The following OCA2 variants were observed in gnomAD, a reference collection of about 807,000 sequenced individuals.
The protein encoded by OCA2 is OCA2 melanosomal transmembrane protein, also known as P protein.
In OCA2, 77 loss-of-function variants were observed where a neutral mutation model predicts 100.2. The observed-to-expected ratio is 0.77, with a 90% confidence interval of 0.64 to 0.93. OCA2 has a LOEUF of 0.93. Ranked by LOEUF, OCA2 falls within the 40% of genes least tolerant of loss-of-function variation. The pLI, the probability that OCA2 is intolerant of heterozygous loss-of-function variation, is 0.00. For synonymous variants in OCA2, 432 were observed against 439.2 expected (o/e 0.98, Z 0.21); for missense variants, 1,062 against 1,089.1 (o/e 0.98, Z 0.35).
chr15:27,955,313 T>A lies in OCA2; in HGVS notation c.1785-98A>T. The A allele has an allele frequency of 3.4e-6, 3 of 895,392 alleles. No individual in the cohort carries two copies. The South Asian group carries it at 4.0e-5, about 12-fold the overall frequency. 55.5% of individuals were successfully genotyped at this position (895,392 alleles called of 1,614,324 possible). On this transcript the variant is annotated intron_variant, in intron 16 of 23. Transcript: ENST00000354638. ...CAGCGCTTCGTGCCTGGACGCGGTC[T>A]GTGACTTGGAGCCTGGCTGGCAGGA... is the stretch of plus-strand genomic sequence containing the variant.
chr15:27,859,160 G>A (rs1412396986), intron 21 of OCA2, among the ~76,000 whole-genome samples: 4 of 151,748 alleles, frequency 2.6e-5, no homozygotes, highest in African/African-American at 9.7e-5. Flanking sequence ...GTAGAATGAG[G>A]GAAATAAGAT....
chr15:28,009,087 G>A (rs1394111425), intron 9 of OCA2, among the ~76,000 whole-genome samples: 5 of 152,202 alleles, frequency 3.3e-5, no homozygotes, highest in African/African-American at 1.2e-4. Flanking sequence ...TAGGGCTGGC[G>A]ATTGCATCCA....
At chr15:27,975,453 A>G (rs935646678) in intron 14 of OCA2, among the ~76,000 whole-genome samples, 3 of 152,180 alleles carry the variant, frequency 2.0e-5, no homozygotes, top group African/African-American at 7.2e-5. Context: ...GTTTGAGTTA[A>G]TTTGTGGATA....
intron 23 of OCA2, among the ~76,000 whole-genome samples, chr15:27,827,949 A>G (rs547751673): frequency 6.6e-6 from 1 of 152,352 alleles, no homozygotes; most frequent in Non-Finnish European, 1.5e-5. Context: ...GACGATCTAT[A>G]GCACAAGGCA....
intron 17 of OCA2, 129 bp from the exon 18 acceptor site, chr15:27,952,021 A>G: frequency 1.4e-6 from 1 of 736,870 alleles, no homozygotes; most frequent in South Asian, 1.5e-5. Context: ...CGAACTTGAA[A>G]GAAAATGGCA....
At chr15:27,874,138 C>T (rs544673232) in intron 19 of OCA2, among the ~76,000 whole-genome samples, 40 of 152,348 alleles carry the variant, frequency 2.6e-4, no homozygotes, top group African/African-American at 9.1e-4. Flanking sequence ...GTCCCTTCTT[C>T]AGCCAAACAA....
chr15:27,788,827 C>CA (rs780583249), intron 23 of OCA2, among the ~76,000 whole-genome samples: 2 of 151,682 alleles, frequency 1.3e-5, no homozygotes, highest in Non-Finnish European at 1.5e-5. Flanking sequence ...TAGATGTTTT[C>CA]TGACCTACTA....
intron 1 of OCA2, among the ~76,000 whole-genome samples, chr15:28,084,729 C>T (rs2044746014): frequency 2.6e-5 from 4 of 152,146 alleles, no homozygotes; most frequent in African/African-American, 9.7e-5. Flanking sequence ...AGGGCTGCAG[C>T]TTCTTGCTGG....
intron 23 of OCA2, among the ~76,000 whole-genome samples, chr15:27,823,769 T>C (rs1229870452): frequency 6.6e-6 from 1 of 152,192 alleles, no homozygotes; most frequent in Non-Finnish European, 1.5e-5. Context: ...TTTGAAACTT[T>C]CAATAAATTA....
At chr15:27,798,930 G>A (rs976868313) in intron 23 of OCA2, among the ~76,000 whole-genome samples, 13 of 152,196 alleles carry the variant, frequency 8.5e-5, no homozygotes, top group Admixed American at 8.5e-4. Flanking sequence ...TTTAGAATAT[G>A]GTTTCCTTGA....
chr15:28,082,005 A>T (rs887827730), intron 1 of OCA2, 110 bp from the exon 2 acceptor site: 2 of 885,368 alleles, frequency 2.3e-6, no homozygotes, highest in Non-Finnish European at 3.6e-6. Flanking sequence ...GCGGTCCCAG[A>T]GTTCCAGCAT....
chr15:27,941,243 G>A (rs941976699), intron 18 of OCA2, among the ~76,000 whole-genome samples: 2 of 152,202 alleles, frequency 1.3e-5, no homozygotes, highest in African/African-American at 4.8e-5. Flanking sequence ...ATCATTCGAT[G>A]TGAGAATGTT....
In OCA2 at chr15:27,918,538, G is replaced by A. The variant is rs1488149973; in HGVS notation, c.2079+7589C>T. Among the ~76,000 whole-genome samples the A allele has an allele frequency of 4.6e-5, 7 of 152,218 alleles. No homozygotes were observed. In the South Asian group the frequency reaches 1.2e-3, roughly 27 times the overall value. On this transcript the variant is annotated intron_variant, in intron 19 of 23. Transcript: ENST00000354638. ...ACAAAAAGTGCCTCTTTCAATTAAC[G>A]TCCACATCAACAAAGCAGCAACTTT...
At chr15:27,764,884 C>T (rs954005464) in intron 23 of OCA2, among the ~76,000 whole-genome samples, 5 of 152,172 alleles carry the variant, frequency 3.3e-5, no homozygotes. Context: ...TAAAGAATGG[C>T]TAGTCCATAG....
At chr15:27,982,997 A>G (rs767191064) in intron 14 of OCA2, among the ~76,000 whole-genome samples, 5 of 152,226 alleles carry the variant, frequency 3.3e-5, no homozygotes, top group East Asian at 3.8e-4. Context: ...TGGGAATCCC[A>G]TATCTCCAGT....
chr15:27,804,730 G>A (rs547898299), intron 23 of OCA2, among the ~76,000 whole-genome samples: 3 of 152,280 alleles, frequency 2.0e-5, no homozygotes, highest in South Asian at 4.1e-4. Context: ...GCTGAAAAGA[G>A]GGCTGGGGCG....
chr15:28,070,428 C>T lies in OCA2; in HGVS notation c.227+11220G>A, dbSNP rs1308912118. ...CCTCAGCCCGGCCAGCCACCCCGTC[C>T]GGGAGGGAGATGGGGGGGTCAGCCC... On this transcript the variant is annotated intron_variant, in intron 2 of 23. Coordinates refer to ENST00000354638, the MANE Select transcript of OCA2 (RefSeq NM_000275.3). Among the ~76,000 whole-genome samples, 13 of 123,166 alleles carry T rather than the reference C, an allele frequency of 1.1e-4. 1 individual carries two copies. The highest frequency in any genetic ancestry group is 5.8e-4 in the South Asian group (2 of 3,432). The allele number at this position is 123,166 out of a possible 152,430, so 80.8% of individuals were successfully genotyped here. A position where few individuals can be genotyped will look rare whatever the true frequency, so the allele number is the denominator to read the frequency against.
intron 18 of OCA2, among the ~76,000 whole-genome samples, chr15:27,926,507 CTT>C (rs1443091665): frequency 6.6e-6 from 1 of 152,214 alleles, no homozygotes; most frequent in Non-Finnish European, 1.5e-5. Flanking sequence ...TCTAGCTCCT[CTT>C]GTCAACCCCC....
At chr15:28,058,845 G>A (rs2043785715) in intron 2 of OCA2, among the ~76,000 whole-genome samples, 1 of 152,198 alleles carries the variant, frequency 6.6e-6, no homozygotes, top group African/African-American at 2.4e-5. Flanking sequence ...CAGGGGGCAG[G>A]TGTGCAGGGG....
Sources: allele counts gnomAD v4.1 joint callset (sites outside exome capture counted in the v4.1 genomes callset), GRCh38; gene constraint gnomAD v4.1.1; transcripts MANE v1.5; gene names NCBI Gene and HGNC (gene_info 2026-07-23, HGNC 2026-07-21).